The following LRMDA variants were observed in gnomAD, a reference collection of about 807,000 sequenced individuals.
LRMDA encodes the protein leucine rich melanocyte differentiation associated, also known as leucine-rich melanocyte differentiation-associated protein.
Under a neutral mutation model 29.8 loss-of-function variants are expected in LRMDA, and 18 were observed. The observed-to-expected ratio is 0.60, with a 90% CI of 0.42 to 0.90. LRMDA has a LOEUF of 0.90. Among genes scored for constraint, LRMDA ranks in the 40% least tolerant of loss-of-function variants. The pLI, the probability that LRMDA is intolerant of heterozygous loss-of-function variation, is 0.00. For missense variants in LRMDA, 273 were observed against 273.9 expected (o/e 1.00, Z 0.02); for synonymous variants, 125 against 109.4 (o/e 1.14, Z -0.89).
At chr10:76,248,503 G>T (rs538801419) in intron 5 of LRMDA, among the ~76,000 whole-genome samples, 1 of 152,316 alleles carries the variant, frequency 6.6e-6, no homozygotes, top group South Asian at 2.1e-4. Flanking sequence ...CCTCTTTAGG[G>T]TTGGATAAAG....
chr10:75,877,038 G>A (rs1045303090), intron 2 of LRMDA, among the ~76,000 whole-genome samples: 44 of 152,300 alleles, frequency 2.9e-4, no homozygotes, highest in Middle Eastern at 3.4e-3. Context: ...GAGGGGCAGG[G>A]ATTGTTGTCT....
At chr10:76,006,069 G>A (rs1847650539) in intron 2 of LRMDA, among the ~76,000 whole-genome samples, 1 of 152,168 alleles carries the variant, frequency 6.6e-6, no homozygotes, top group Non-Finnish European at 1.5e-5. Flanking sequence ...TTCACAAAGG[G>A]AAAGAGAACA....
At chr10:75,647,206 T>C (rs1294037728) in intron 2 of LRMDA, among the ~76,000 whole-genome samples, 1 of 152,206 alleles carries the variant, frequency 6.6e-6, no homozygotes, top group Admixed American at 6.5e-5. Flanking sequence ...CGAGGCAGTG[T>C]GTACAAAGTG....
chr10:76,298,681 A>G (rs982874318), intron 5 of LRMDA, among the ~76,000 whole-genome samples: 2 of 152,212 alleles, frequency 1.3e-5, no homozygotes, highest in Non-Finnish European at 2.9e-5. Flanking sequence ...TCATCAAGGA[A>G]GCATGTAGTT....
chr10:76,197,998 C>T (rs1275328306), intron 5 of LRMDA, among the ~76,000 whole-genome samples: 1 of 152,106 alleles, frequency 6.6e-6, no homozygotes, highest in Non-Finnish European at 1.5e-5. Context: ...CTTGGGGCCT[C>T]CTGAAGTAGA....
At chr10:75,520,732 G>A (rs571854440) in intron 2 of LRMDA, among the ~76,000 whole-genome samples, 2 of 152,296 alleles carry the variant, frequency 1.3e-5, no homozygotes, top group Admixed American at 1.3e-4. Flanking sequence ...TGCTGGCGAG[G>A]AGCTGTGATC....
chr10:76,548,019 C>T (rs1227635347), intron 6 of LRMDA, among the ~76,000 whole-genome samples: 1 of 152,074 alleles, frequency 6.6e-6, no homozygotes, highest in African/African-American at 2.4e-5. Context: ...TGATGTTCTC[C>T]GGAGACCCCT....
intron 2 of LRMDA, among the ~76,000 whole-genome samples, chr10:75,879,577 A>G (rs55947794): frequency 0.09 from 13,627 of 152,160 alleles, 1,849 homozygotes; most frequent in African/African-American, 0.29. Context: ...CTGGAATATA[A>G]GGTCTGGGGG....
chr10:76,132,519 G>T (rs1394707559), intron 5 of LRMDA, among the ~76,000 whole-genome samples: 1 of 152,146 alleles, frequency 6.6e-6, no homozygotes, highest in Non-Finnish European at 1.5e-5. Flanking sequence ...TGGAGTTAAA[G>T]GTCTTATAAA....
intron 2 of LRMDA, among the ~76,000 whole-genome samples, chr10:75,640,963 T>C (rs1042291664): frequency 6.6e-6 from 1 of 152,308 alleles, no homozygotes. Flanking sequence ...TTTACTGCAC[T>C]CCACCTGTGA....
chr10:76,505,260 G>A (rs1260562568), intron 6 of LRMDA, among the ~76,000 whole-genome samples: 4 of 151,802 alleles, frequency 2.6e-5, no homozygotes, highest in Non-Finnish European at 5.9e-5. Context: ...CATTTACCTT[G>A]ATGATTCTGG....
chr10:75,682,762 T>A (rs1270104247), intron 2 of LRMDA, among the ~76,000 whole-genome samples: 1 of 152,108 alleles, frequency 6.6e-6, no homozygotes, highest in African/African-American at 2.4e-5. Flanking sequence ...ATTTTCTTCC[T>A]CACAAGGACT....
chr10:75,606,759 C>T (rs1840961418), intron 2 of LRMDA, among the ~76,000 whole-genome samples: 1 of 152,304 alleles, frequency 6.6e-6, no homozygotes, highest in Admixed American at 6.5e-5. Context: ...AGAGAGAAGG[C>T]AGAAAGCATG....
rs536512765 is a variant in LRMDA, at chr10:76,324,046, C to A, written c.517-355C>A. Among the ~76,000 whole-genome samples, 7 of 152,302 alleles carry A rather than the reference C, an allele frequency of 4.6e-5. No homozygotes were observed. The East Asian group carries it at 1.2e-3, about 25-fold the overall frequency. ...AGTATCCAAAGAAATCTGCTCATAG[C>A]CAGCCTTTACTTTGTGGGAATTACT... On this transcript the variant is annotated intron_variant, in intron 5 of 6. Coordinates refer to ENST00000611255, the MANE Select transcript of LRMDA (RefSeq NM_001305581.2).
At chr10:75,459,822 G>A (rs1379374401) in intron 2 of LRMDA, among the ~76,000 whole-genome samples, 1 of 152,122 alleles carries the variant, frequency 6.6e-6, no homozygotes, top group Non-Finnish European at 1.5e-5. Flanking sequence ...GAAGTGCAAG[G>A]GCAAGAGAGC....
At chr10:76,246,993 A>G (rs1441786328) in intron 5 of LRMDA, among the ~76,000 whole-genome samples, 2 of 152,162 alleles carry the variant, frequency 1.3e-5, no homozygotes, top group Non-Finnish European at 2.9e-5. Context: ...AAAACAATGG[A>G]TTTAAATGCC....
chr10:76,129,055 C>T (rs1025994674), intron 5 of LRMDA, among the ~76,000 whole-genome samples: 11 of 152,306 alleles, frequency 7.2e-5, no homozygotes, highest in African/African-American at 2.6e-4. Flanking sequence ...GCATCTCCCA[C>T]TCCTCATGGT....
At chr10:76,100,279 T>C (rs575043496) in intron 5 of LRMDA, among the ~76,000 whole-genome samples, 7 of 152,086 alleles carry the variant, frequency 4.6e-5, no homozygotes, top group African/African-American at 1.7e-4. Flanking sequence ...CACAGACATA[T>C]TGAAGGGTAA....
chr10:76,477,704 A>G (rs1387561227), intron 6 of LRMDA, among the ~76,000 whole-genome samples: 2 of 152,110 alleles, frequency 1.3e-5, no homozygotes, highest in Non-Finnish European at 1.5e-5. Context: ...CAAAGCAGAG[A>G]TATAGACCAA....
Sources: gnomAD v4.1 joint callset for allele counts (sites outside exome capture counted in the v4.1 genomes callset) on GRCh38, gnomAD v4.1.1 for gene constraint, MANE v1.5 for transcripts, NCBI Gene and HGNC (gene_info 2026-07-23, HGNC 2026-07-21) for gene names.